Variants in LRP1 observed in about 807,000 individuals in gnomAD.
The protein encoded by LRP1 is prolow-density lipoprotein receptor-related protein 1.
In LRP1, 51 loss-of-function variants were observed where a neutral mutation model predicts 541.5. That is an observed-to-expected ratio of 0.09 (90% CI 0.08 to 0.12). The LOEUF (loss-of-function observed/expected upper bound fraction) is 0.12. Among genes scored for constraint, LRP1 ranks in the 10% least tolerant of loss-of-function variants. The probability of loss-of-function intolerance (pLI) is 1.00; values close to 1 mark genes in which losing one functional copy is unlikely to be tolerated. For missense variants in LRP1, 3,878 were observed against 6,376.2 expected (o/e 0.61, Z 13.34); for synonymous variants, 2,219 against 2,470.8 (o/e 0.90, Z 3.02).
rs1365018450 is a variant in LRP1, at chr12:57,189,554, T to G, written c.7032-1251T>G. ...GGCAGAGCAGCACCATTTTCCTACG[T>G]GAGCCCAGCAGAAGGCGGGATAGTT... On this transcript the variant is annotated intron_variant, in intron 42 of 88. Transcript: ENST00000243077. The surrounding 1 kb of genome is among the most constrained non-coding windows in gnomAD (Gnocchi z 4.4). Among the ~76,000 whole-genome samples the G allele has an allele frequency of 6.6e-6, 1 of 151,906 alleles. No individual in the cohort carries two copies. The highest frequency in any genetic ancestry group is 2.4e-5 in the African/African-American group (1 of 41,328).
At position 57,180,862 on chromosome 12, in the gene LRP1, C is replaced by T. The variant is rs534618136; in HGVS notation, c.5527+55C>T. The T allele has an allele frequency of 9.4e-6, 15 of 1,603,724 alleles. No individual in the cohort carries two copies. The South Asian group carries it at 9.9e-5, about 11-fold the overall frequency. ...GCTCAGGGGCAACAGGGGAGCCGTC[C>T]AGAGCTGCAGGCTGCAGGGCCATGG... is the stretch of plus-strand genomic sequence containing the variant. On this transcript the variant is annotated intron_variant, in intron 33 of 88. Coordinates refer to ENST00000243077, the MANE Select transcript of LRP1 (RefSeq NM_002332.3).
At chr12:57,159,793 C>G in intron 11 of LRP1, 32 bp from the exon 12 acceptor site, 2 of 1,606,446 alleles carry the variant, frequency 1.2e-6, no homozygotes, top group African/African-American at 1.3e-5. Flanking sequence ...TCCTTTGAAG[C>G]TGTTCATCAC....
Position 57,145,557 on chromosome 12 carries a change from C to T in LRP1, c.841+67C>T. ...GGGAGACAGGGAAGGTGGACCCTAT[C>T]TTGAACAGAGGCCGGGAGTTACACA... is the stretch of plus-strand genomic sequence containing the variant. On this transcript the variant is annotated intron_variant, in intron 6 of 88. Coordinates refer to ENST00000243077, the MANE Select transcript of LRP1 (RefSeq NM_002332.3). 7.6e-6 allele frequency: 12 copies of T among 1,569,672 alleles called. No individual in the cohort carries two copies. In the South Asian group the frequency reaches 1.3e-4, roughly 17 times the overall value.
At position 57,197,842 on chromosome 12, in the gene LRP1, A is replaced by G. The variant is rs1262959932; in HGVS notation, c.9282+178A>G. On this transcript the variant is annotated intron_variant, in intron 58 of 88. Coordinates refer to ENST00000243077, the MANE Select transcript of LRP1 (RefSeq NM_002332.3). The surrounding 1 kb of genome is among the most constrained non-coding windows in gnomAD (Gnocchi z 4.5). ...GGGCCCAGACAGCAAGGACTGGGAG[A>G]TTCCTCTTGCCCTTCCCCTCGCTGC... 4.6e-5 allele frequency among the ~76,000 whole-genome samples: 7 copies of G among 152,000 alleles called. No homozygotes were observed. The highest frequency in any genetic ancestry group is 1.0e-4 in the Non-Finnish European group (7 of 67,996).
Position 57,173,715 on chromosome 12 carries a change from G to C in LRP1, c.3347-65G>C, listed in dbSNP as rs1427445478. ...CCTATTAGAGAAGCCCACAGGGTCT[G>C]GAAGGAAGGGCAGGGGGAGCCCCAG... On this transcript the variant is annotated intron_variant, in intron 21 of 88. Transcript: ENST00000243077. This position sits in a 1 kb window ranked among gnomAD's most constrained non-coding sequence, Gnocchi z 4.7. 1.9e-6 allele frequency: 3 copies of C among 1,551,974 alleles called. No homozygotes were observed. In the African/African-American group the frequency reaches 4.1e-5, roughly 21 times the overall value.
chr12:57,176,747 A>T (rs569451076), intron 24 of LRP1, among the ~76,000 whole-genome samples: 35 of 152,174 alleles, frequency 2.3e-4, no homozygotes, highest in Non-Finnish European at 4.1e-4. Flanking sequence ...AGGCACACAC[A>T]TAATGTATTA....
rs761306562 is a variant in LRP1, at chr12:57,195,644, ACCT to A, written c.8438-12_8438-10del. On this transcript the variant is annotated splice_polypyrimidine_tract_variant and intron_variant, in intron 52 of 88. Transcript: ENST00000243077. ...CAGGCAGGGCTGAAGGGCTGTGTCCACCTCTGTCCACAGTGTACAACAGCACTT... is the reference window on the plus strand; with the variant it reads ...CAGGCAGGGCTGAAGGGCTGTGTCCACTGTCCACAGTGTACAACAGCACTT... 3 of 1,613,964 alleles carry A rather than the reference ACCT, an allele frequency of 1.9e-6. No individual in the cohort carries two copies. In the East Asian group the frequency reaches 6.7e-5, roughly 36 times the overall value.
intron 1 of LRP1, among the ~76,000 whole-genome samples, chr12:57,137,728 G>A (rs2035201932): frequency 1.3e-5 from 2 of 151,912 alleles, no homozygotes; most frequent in African/African-American, 4.8e-5. Flanking sequence ...CCCAGGAGGT[G>A]GAGGTTGCGG....
In LRP1 at chr12:57,199,993, C is replaced by G; in HGVS notation, c.9982C>G (p.Arg3328Gly). 2.5e-6 allele frequency: 4 copies of G among 1,596,908 alleles called. No homozygotes were observed. Among genetic ancestry groups the G allele is most frequent in the Non-Finnish European group, 3.4e-6 (4 of 1,174,852 alleles). ...PTNFYLGSDGRTCVSNCTASQ... is the reference protein window; with the variant it reads ...PTNFYLGSDGGTCVSNCTASQ... ...CAACTTCTACCTGGGCAGCGATGGG[C>G]GCACCTGTGTGTCCAACTGCACGGC... Residue 3328 changes from arginine (R) to glycine (G), a missense_variant, in exon 62 of 89, where the codon CGC becomes GGC. Around this residue, in one of 13 missense-constraint regions of LRP1, gnomAD observed 278 missense variants for 536.3 expected, o/e 0.52. Coordinates refer to ENST00000243077, the MANE Select transcript of LRP1 (RefSeq NM_002332.3).
rs2036765308 is a variant in LRP1, at chr12:57,205,789, A to C, written c.11590+112A>C. 4.1e-6 allele frequency: 6 copies of C among 1,470,096 alleles called. No homozygotes were observed. Among genetic ancestry groups the C allele is most frequent in the Non-Finnish European group, 4.6e-6 (5 of 1,094,610 alleles). The allele number at this position is 1,470,096 out of a possible 1,614,324, so 91.1% of individuals were successfully genotyped here. A position where few individuals can be genotyped will look rare whatever the true frequency, so the allele number is the denominator to read the frequency against. On this transcript the variant is annotated intron_variant, in intron 75 of 88. Transcript: ENST00000243077. This position sits in a 1 kb window ranked among gnomAD's most constrained non-coding sequence, Gnocchi z 4.6. ...CCTGCGGACATCTTGCCCAGACAAG[A>C]AGCCCCAGACTCATAGTTGCAGCTG... is the stretch of plus-strand genomic sequence containing the variant.
rs761390488 is a variant in LRP1 at position 57,178,380 on chromosome 12, C to A, written c.4383C>A (p.Ala1461=). The A allele has an allele frequency of 6.2e-7, 1 of 1,613,996 alleles. No homozygotes were observed. Among genetic ancestry groups the A allele is most frequent in the Non-Finnish European group, 8.5e-7 (1 of 1,179,956 alleles). Residue 1461 remains alanine, a synonymous_variant, in exon 27 of 89, where the codon GCC becomes GCA. Coordinates refer to ENST00000243077, the MANE Select transcript of LRP1 (RefSeq NM_002332.3). This position sits in a 1 kb window ranked among gnomAD's most constrained non-coding sequence, Gnocchi z 5.8. ...IDARSDAIYS[A]RYDGSGHMEV... Reference sequence around the variant, plus strand: ...TTAGGTCAGATGCCATTTACTCAGCCCGTTACGACGGCTCTGGCCACATGG... The same window carrying A: ...TTAGGTCAGATGCCATTTACTCAGCACGTTACGACGGCTCTGGCCACATGG...
In LRP1 at chr12:57,205,913, C is replaced by T. The variant is rs2036768221; in HGVS notation, c.11590+236C>T. On this transcript the variant is annotated intron_variant, in intron 75 of 88. Transcript: ENST00000243077. The surrounding 1 kb of genome is among the most constrained non-coding windows in gnomAD (Gnocchi z 4.6). ...AGTGCTCTGAATTGCACACACACCT[C>T]CTCACCCACCACTGCCAGGACGAGA... is the stretch of plus-strand genomic sequence containing the variant. The T allele has an allele frequency of 3.4e-6, 2 of 592,456 alleles. No individual in the cohort carries two copies. The highest frequency in any genetic ancestry group is 6.0e-5 in the Admixed American group (2 of 33,130). The allele number at this position is 592,456 out of a possible 1,614,324, so 36.7% of individuals were successfully genotyped here.
rs1377189089 is a variant in LRP1, at chr12:57,210,642, C to T, written c.12755-76C>T. On this transcript the variant is annotated intron_variant, in intron 82 of 88. Coordinates refer to ENST00000243077, the MANE Select transcript of LRP1 (RefSeq NM_002332.3). ...CAGTCTCTGCTTCTCGCCCAGGTCC[C>T]CCCAGCCCATTCCTCTGCTATAGGG... The T allele has an allele frequency of 2.6e-6, 4 of 1,530,632 alleles. No homozygotes were observed. The East Asian group carries it at 6.9e-5, about 26-fold the overall frequency. The allele number at this position is 1,530,632 out of a possible 1,614,324, so 94.8% of individuals were successfully genotyped here.
Position 57,177,980 on chromosome 12 carries a change from G to T in LRP1, c.4362-379G>T. 7.2e-6 allele frequency among the ~76,000 whole-genome samples: 1 copy of T among 138,354 alleles called. No individual in the cohort carries two copies. Among genetic ancestry groups the T allele is most frequent in the East Asian group, 2.1e-4 (1 of 4,756 alleles). 90.8% of individuals were successfully genotyped at this position (138,354 alleles called of 152,430 possible). On this transcript the variant is annotated intron_variant, in intron 26 of 88. Transcript: ENST00000243077. This position sits in a 1 kb window ranked among gnomAD's most constrained non-coding sequence, Gnocchi z 6.8. ...TTTTTTTTTTTTGAGACAGAGTCTC[G>T]CTCCGTCGCCCAGGCTGGAGTGCAG...
chr12:57,204,664 C>T lies in LRP1; in HGVS notation c.11109C>T (p.Cys3703=). 2 of 1,614,042 alleles carry T rather than the reference C, an allele frequency of 1.2e-6. No homozygotes were observed. The highest frequency in any genetic ancestry group is 4.5e-5 in the East Asian group (2 of 44,874). Residue 3703 remains cysteine (C), a synonymous_variant, in exon 72 of 89, where the codon TGC becomes TGT. Coordinates refer to ENST00000243077, the MANE Select transcript of LRP1 (RefSeq NM_002332.3). This position sits in a 1 kb window ranked among gnomAD's most constrained non-coding sequence, Gnocchi z 5.3. ...FVCPPNRPFR[C]KNDRVCLWIG... ...GCCCTCCCAACCGGCCCTTCCGTTG[C>T]AAGAATGACCGCGTCTGTCTGTGGA... is the stretch of plus-strand genomic sequence containing the variant.
chr12:57,154,523 G>A lies in LRP1; in HGVS notation c.1049G>A (p.Arg350His), dbSNP rs1303190457. The change falls in exon 8 of 89, where the codon CGC becomes CAC. Residue 350 changes from arginine (R) to histidine (H), a missense_variant. Arg to His is a conservative substitution (Grantham distance 29). Around this residue, in one of 13 missense-constraint regions of LRP1, gnomAD observed 496 missense variants for 861.0 expected, o/e 0.58. Transcript: ENST00000243077. This position sits in a 1 kb window ranked among gnomAD's most constrained non-coding sequence, Gnocchi z 4.6. ...TATGGGCAGATCCCAAAGGTGGAACGCTGTGACATGGATGGGCAGAACCGC... is the reference window on the plus strand; with the variant it reads ...TATGGGCAGATCCCAAAGGTGGAACACTGTGACATGGATGGGCAGAACCGC... ...TDYGQIPKVE[R>H]CDMDGQNRTK... The A allele has an allele frequency of 2.5e-6, 4 of 1,614,092 alleles. No individual in the cohort carries two copies. The highest frequency in any genetic ancestry group is 2.5e-6 in the Non-Finnish European group (3 of 1,180,028).
intron 34 of LRP1, among the ~76,000 whole-genome samples, chr12:57,182,517 A>T (rs1239152630): frequency 1.7e-5 from 2 of 120,696 alleles, no homozygotes; most frequent in African/African-American, 3.4e-5. Flanking sequence ...CATCTCAATT[A>T]AAAAAAAAAA....
chr12:57,184,443 G>A lies in LRP1; in HGVS notation c.6177G>A (p.Val2059=). Residue 2059 remains valine (V), a synonymous_variant, in exon 38 of 89, where the codon GTG becomes GTA. Transcript: ENST00000243077. This position sits in a 1 kb window ranked among gnomAD's most constrained non-coding sequence, Gnocchi z 7.8. ...VSISWPNGIS[V]DYQDGKLYWC... ...TCAGCTGGCCCAACGGCATCTCAGTGGACTACCAGGTTCGCACGCCAACTT... is the reference window on the plus strand; with the variant it reads ...TCAGCTGGCCCAACGGCATCTCAGTAGACTACCAGGTTCGCACGCCAACTT... The A allele has an allele frequency of 6.2e-7, 1 of 1,614,240 alleles. No individual in the cohort carries two copies. The highest frequency in any genetic ancestry group is 8.5e-7 in the Non-Finnish European group (1 of 1,180,040).
chr12:57,169,649 C>T (rs1037175144), intron 20 of LRP1, among the ~76,000 whole-genome samples: 7 of 152,228 alleles, frequency 4.6e-5, no homozygotes, highest in African/African-American at 1.7e-4. Context: ...ATAATAGCAC[C>T]AACATCACAG....
Sources: allele counts gnomAD v4.1 joint callset (sites outside exome capture counted in the v4.1 genomes callset), GRCh38; gene constraint gnomAD v4.1.1; regional missense constraint gnomAD v4.1.1; non-coding constraint Gnocchi (gnomAD v3.1); transcripts MANE v1.5; gene names NCBI Gene and HGNC (gene_info 2026-07-23, HGNC 2026-07-21).